The following CCDC91 variants were observed in gnomAD, a reference collection of about 807,000 sequenced individuals.
CCDC91 encodes coiled-coil domain-containing protein 91.
CCDC91 carries 48 observed loss-of-function variants against 63.2 expected under a neutral mutation model. The observed-to-expected ratio is 0.76, with a 90% CI of 0.60 to 0.97. The LOEUF is 0.97. Ranked by LOEUF, CCDC91 falls within the 50% of genes least tolerant of loss-of-function variation. The pLI, the probability that CCDC91 is intolerant of heterozygous loss-of-function variation, is 0.00. For missense variants in CCDC91, 500 were observed against 494.6 expected (o/e 1.01, Z -0.10); for synonymous variants, 167 against 165.8 (o/e 1.01, Z -0.06).
In CCDC91 at chr12:28,305,634, G is replaced by T. The variant is rs1375774261; in HGVS notation, c.110-15G>T. The T allele has an allele frequency of 1.9e-6, 3 of 1,594,718 alleles. No individual in the cohort carries two copies. Among genetic ancestry groups the T allele is most frequent in the Admixed American group, 1.7e-5 (1 of 58,288 alleles). On this transcript the variant is annotated splice_polypyrimidine_tract_variant and intron_variant, in intron 3 of 12. Transcript: ENST00000536442. ...TAATAATCCTATCCTTTTTGTTGTTGTTGTTTTTCTTTAGTATCTGGAGTC... is the reference window on the plus strand; with the variant it reads ...TAATAATCCTATCCTTTTTGTTGTTTTTGTTTTTCTTTAGTATCTGGAGTC...
chr12:28,427,352 C>T (rs1948377145), intron 8 of CCDC91, among the ~76,000 whole-genome samples: 1 of 152,076 alleles, frequency 6.6e-6, no homozygotes, highest in South Asian at 2.1e-4. Context: ...ATGCTCTGGG[C>T]ATATTTCATA....
intron 7 of CCDC91, among the ~76,000 whole-genome samples, chr12:28,374,026 A>T (rs1451621921): frequency 6.6e-6 from 1 of 152,174 alleles, no homozygotes; most frequent in Non-Finnish European, 1.5e-5. Flanking sequence ...TCTTTTCTTG[A>T]TAAATTACCC....
chr12:28,278,446 A>G (rs1326453653), intron 3 of CCDC91, among the ~76,000 whole-genome samples: 3 of 152,042 alleles, frequency 2.0e-5, no homozygotes, highest in African/African-American at 7.2e-5. Flanking sequence ...CTTGATCAAT[A>G]TGTAACTTAA....
At chr12:28,379,699 G>C (rs1174771062) in intron 7 of CCDC91, among the ~76,000 whole-genome samples, 1 of 152,164 alleles carries the variant, frequency 6.6e-6, no homozygotes, top group East Asian at 1.9e-4. Flanking sequence ...CTTTTACACT[G>C]TTGGTGGGAG....
intron 8 of CCDC91, among the ~76,000 whole-genome samples, chr12:28,406,128 G>A (rs183650944): frequency 2.5e-4 from 38 of 152,228 alleles, no homozygotes; most frequent in African/African-American, 8.7e-4. Context: ...TGCAGGATGT[G>A]CAGGTTTGTT....
At chr12:28,431,035 GT>G (rs1948598425) in intron 8 of CCDC91, among the ~76,000 whole-genome samples, 1 of 152,098 alleles carries the variant, frequency 6.6e-6, no homozygotes. Context: ...AACTTTGCAA[GT>G]ATGACATTTT....
chr12:28,304,412 A>AAAAAAAAAAG (rs1565765003), intron 3 of CCDC91, among the ~76,000 whole-genome samples: 1 of 140,548 alleles, frequency 7.1e-6, no homozygotes. Context: ...GAAAAAAAAA[A>AAAAAAAAAAG]AAAGAAAAAA....
intron 7 of CCDC91, among the ~76,000 whole-genome samples, chr12:28,385,075 C>T (rs1433950272): frequency 1.3e-5 from 2 of 151,784 alleles, no homozygotes; most frequent in African/African-American, 2.4e-5. Flanking sequence ...TTGGCAGATA[C>T]CTTTCAGTTT....
chr12:28,227,878 AT>A (rs906272331), intron 1 of CCDC91, among the ~76,000 whole-genome samples: 40 of 151,988 alleles, frequency 2.6e-4, no homozygotes, highest in African/African-American at 9.7e-4. Flanking sequence ...TTTTAGGTAA[AT>A]TACTTGATCT....
intron 11 of CCDC91, among the ~76,000 whole-genome samples, chr12:28,456,130 A>G (rs888268752): frequency 6.6e-6 from 1 of 152,102 alleles, no homozygotes; most frequent in African/African-American, 2.4e-5. Flanking sequence ...AAACTTTAAG[A>G]AGGTGTTATT....
intron 3 of CCDC91, among the ~76,000 whole-genome samples, chr12:28,270,226 A>G (rs1947662369): frequency 1.3e-5 from 2 of 152,204 alleles, no homozygotes; most frequent in South Asian, 4.1e-4. Context: ...AGAATAAATC[A>G]CAGAGACTGC....
Position 28,312,682 on chromosome 12 carries a change from T to C in CCDC91, c.576+4933T>C, listed in dbSNP as rs1287496226. ...GTCCCCACTCAAATCTTATCTTGAA[T>C]TGTAGTTTTCATAATTCCCACATGT... On this transcript the variant is annotated intron_variant, in intron 6 of 12. Transcript: ENST00000536442. Among the ~76,000 whole-genome samples the C allele has an allele frequency of 1.3e-5, 2 of 152,058 alleles. 1 individual carries two copies. Among genetic ancestry groups the C allele is most frequent in the African/African-American group, 4.8e-5 (2 of 41,446 alleles).
chr12:28,504,048 CACATTGTGCACATGT>C (rs1232618354), intron 12 of CCDC91, among the ~76,000 whole-genome samples: 1 of 151,688 alleles, frequency 6.6e-6, no homozygotes, highest in African/African-American at 2.4e-5. Flanking sequence ...AACTAACCTG[CACATTGTGCACATGT>C]ACCCTAAAAC....
chr12:28,503,216 T>A (rs1249871369), intron 12 of CCDC91, among the ~76,000 whole-genome samples: 1 of 151,792 alleles, frequency 6.6e-6, no homozygotes, highest in African/African-American at 2.4e-5. Flanking sequence ...GAATCTACAA[T>A]GAACTCCAAC....
intron 3 of CCDC91, among the ~76,000 whole-genome samples, chr12:28,299,450 T>C (rs1937793267): frequency 6.6e-6 from 1 of 151,628 alleles, no homozygotes; most frequent in Non-Finnish European, 1.5e-5. Flanking sequence ...CATACTGTGT[T>C]ATGTGATCAG....
chr12:28,236,454 G>T (rs570364139), intron 1 of CCDC91: 2 of 151,632 alleles, frequency 1.3e-5, no homozygotes, highest in Non-Finnish European at 2.9e-5. Flanking sequence ...TATTTTAGTC[G>T]AGTAAAGTAT....
intron 8 of CCDC91, among the ~76,000 whole-genome samples, chr12:28,447,864 A>C (rs1949611730): frequency 8.3e-6 from 1 of 120,544 alleles, no homozygotes; most frequent in African/African-American, 3.2e-5. Flanking sequence ...GGGGAGGGGA[A>C]ATTTTCCCCT....
chr12:28,322,894 A>G (rs1201085801), intron 6 of CCDC91, among the ~76,000 whole-genome samples: 2 of 151,716 alleles, frequency 1.3e-5, no homozygotes, highest in African/African-American at 4.8e-5. Flanking sequence ...GAAGTAAAAT[A>G]TAACTTTTGA....
chr12:28,221,965 A>G (rs1943981577), intron 1 of CCDC91, among the ~76,000 whole-genome samples: 1 of 152,044 alleles, frequency 6.6e-6, no homozygotes, highest in Non-Finnish European at 1.5e-5. Flanking sequence ...TTCCCCCACC[A>G]TACTCTTTGG....
Sources: gnomAD v4.1 joint callset for allele counts (sites outside exome capture counted in the v4.1 genomes callset) on GRCh38, gnomAD v4.1.1 for gene constraint, MANE v1.5 for transcripts, NCBI Gene and HGNC (gene_info 2026-07-23, HGNC 2026-07-21) for gene names.